VKORC1L1: variants seen among roughly 807,000 people sequenced by gnomAD.
The protein encoded by VKORC1L1 is vitamin K epoxide reductase complex subunit 1L1, also known as vitamin K epoxide reductase complex subunit 1-like protein 1.
In VKORC1L1, 2 loss-of-function variants were observed where a neutral mutation model predicts 18.9. The observed-to-expected ratio is 0.11, with a 90% CI of 0.04 to 0.33. The LOEUF (loss-of-function observed/expected upper bound fraction) is 0.33, where lower values mean the gene tolerates loss of function less well. VKORC1L1 is among the 10% of genes least tolerant of loss of function. The pLI is 1.00. For synonymous variants in VKORC1L1, 96 were observed against 100.0 expected, an observed-to-expected ratio of 0.96 and a Z score of 0.24; for missense variants, 123 against 224.1, an observed-to-expected ratio of 0.55 and a Z score of 2.88.
At chr7:65,878,126 T>A (rs189147026) in intron 1 of VKORC1L1, among the ~76,000 whole-genome samples, 1 of 152,174 alleles carries the variant, frequency 6.6e-6, no homozygotes, top group East Asian at 1.9e-4. Flanking sequence ...ACTACCCCAT[T>A]GAGATAATAA....
At chr7:65,950,033 T>C (rs1790187000) in intron 2 of VKORC1L1, among the ~76,000 whole-genome samples, 1 of 152,226 alleles carries the variant, frequency 6.6e-6, no homozygotes, top group Non-Finnish European at 1.5e-5. Context: ...CTCAGTTCTT[T>C]GGTTTCCCTG....
intron 1 of VKORC1L1, among the ~76,000 whole-genome samples, chr7:65,916,115 T>C (rs1226061469): frequency 7.9e-6 from 1 of 126,630 alleles, no homozygotes; most frequent in African/African-American, 3.0e-5. Flanking sequence ...TGTCTAAAAT[T>C]AAAAAAAAAA....
At chr7:65,869,982 T>TG (rs1181395733), upstream of VKORC1L1, among the ~76,000 whole-genome samples, 3 of 151,170 alleles carry the variant, frequency 2.0e-5, no homozygotes, top group Non-Finnish European at 3.0e-5. Flanking sequence ...AAGCTTTTGT[T>TG]TTTTTTTTTC....
intron 1 of VKORC1L1, among the ~76,000 whole-genome samples, chr7:65,881,384 T>C (rs1226152746): frequency 6.6e-6 from 1 of 152,216 alleles, no homozygotes; most frequent in Non-Finnish European, 1.5e-5. Context: ...TGAAAACAAG[T>C]GAGAACCCTA....
In VKORC1L1 at chr7:65,952,778, C is replaced by CTTTTTTTTTTTTTT. The variant is rs11395208; in HGVS notation, c.305-1285_305-1272dup. 6.9e-5 allele frequency among the ~76,000 whole-genome samples: 6 copies of CTTTTTTTTTTTTTT among 86,610 alleles called. 1 individual carries two copies. The highest frequency in any genetic ancestry group is 9.3e-5 in the African/African-American group (2 of 21,462). The allele number at this position is 86,610 out of a possible 152,430, so 56.8% of individuals were successfully genotyped here. On this transcript the variant is annotated intron_variant, in intron 2 of 2. Transcript: ENST00000360768. ...CAGAATTCAGGTGCCTTTTTTTTTC[C>CTTTTTTTTTTTTTT]TTTTTTTTTTTTTTTTTTTTTTTTG...
At position 65,958,288 on chromosome 7, in the gene VKORC1L1, T is replaced by C. The variant is rs571048152; in HGVS notation, c.*3988T>C. 8.4e-4 allele frequency: 128 copies of C among 152,356 alleles called. 1 individual carries two copies. The highest frequency in any genetic ancestry group is 3.0e-3 in the African/African-American group (125 of 41,584). The allele number at this position is 152,356 out of a possible 1,614,324, so 9.4% of individuals were successfully genotyped here. A position where few individuals can be genotyped will look rare whatever the true frequency, so the allele number is the denominator to read the frequency against. On this transcript the variant is annotated 3_prime_UTR_variant, in exon 3 of 3. Transcript: ENST00000360768. ...AACTGTATTAAGCATGGCCTAAGTA[T>C]TTATTAGGTATATGATCTGTGTAGT... is the stretch of plus-strand genomic sequence containing the variant.
chr7:65,887,296 AG>A (rs1202342427), intron 1 of VKORC1L1, among the ~76,000 whole-genome samples: 1 of 152,186 alleles, frequency 6.6e-6, no homozygotes, highest in East Asian at 1.9e-4. Context: ...TAGTGATAAG[AG>A]CTGTGAACTC....
At position 65,873,177 on chromosome 7, in the gene VKORC1L1, G is replaced by A. The variant is rs1391605431; in HGVS notation, c.-195G>A. The stretch of plus-strand genomic sequence containing the variant: ...GCCCCGTCCGCCTCACTCCTTTTGG[G>A]GCGGTTGGGCCGCGCGCCTGTGGGG... On this transcript the variant is annotated 5_prime_UTR_variant, in exon 1 of 3. Coordinates refer to ENST00000360768, the MANE Select transcript of VKORC1L1 (RefSeq NM_173517.6). The A allele has an allele frequency of 1.7e-5, 11 of 665,072 alleles. No individual in the cohort carries two copies. The highest frequency in any genetic ancestry group is 2.0e-5 in the Non-Finnish European group (11 of 538,466). The allele number at this position is 665,072 out of a possible 1,614,324, so 41.2% of individuals were successfully genotyped here. A position where few individuals can be genotyped will look rare whatever the true frequency, so the allele number is the denominator to read the frequency against.
At chr7:65,874,412 G>A (rs1435617178) in intron 1 of VKORC1L1, among the ~76,000 whole-genome samples, 1 of 151,732 alleles carries the variant, frequency 6.6e-6, no homozygotes, top group Non-Finnish European at 1.5e-5. Context: ...TGGTCAGGCT[G>A]GTCTCGAACT....
intron 1 of VKORC1L1, among the ~76,000 whole-genome samples, chr7:65,914,506 T>G (rs1034340455): frequency 6.6e-6 from 1 of 152,104 alleles, no homozygotes; most frequent in African/African-American, 2.4e-5. Flanking sequence ...CTTTGCAATC[T>G]TACCTCAATG....
intron 1 of VKORC1L1, among the ~76,000 whole-genome samples, chr7:65,897,152 A>G (rs545701082): frequency 8.5e-5 from 13 of 152,246 alleles, no homozygotes; most frequent in Admixed American, 7.9e-4. Flanking sequence ...TCGCTTGCTG[A>G]TAGAAAAGAC....
intron 1 of VKORC1L1, among the ~76,000 whole-genome samples, chr7:65,878,521 C>T (rs1457012512): frequency 6.6e-6 from 1 of 152,036 alleles, no homozygotes; most frequent in Non-Finnish European, 1.5e-5. Context: ...AAGTGACTTG[C>T]CCAAGATAGC....
At chr7:65,889,036 C>T (rs547842406) in intron 1 of VKORC1L1, among the ~76,000 whole-genome samples, 45 of 152,174 alleles carry the variant, frequency 3.0e-4, no homozygotes, top group Admixed American at 1.4e-3. Flanking sequence ...ACGCTCTTTC[C>T]TCTTGCTTAA....
chr7:65,873,711 C>CG (rs1421738790), intron 1 of VKORC1L1, 146 bp downstream of exon 1: 16 of 44,514 alleles, frequency 3.6e-4, no homozygotes, highest in Admixed American at 3.6e-3. Context: ...CGGGGCCAGG[C>CG]GGGGGGCGGC....
At chr7:65,946,306 T>G (rs1790118462) in intron 1 of VKORC1L1, among the ~76,000 whole-genome samples, 1 of 151,616 alleles carries the variant, frequency 6.6e-6, no homozygotes, top group Admixed American at 6.6e-5. Flanking sequence ...TTACCATCAC[T>G]CAGGATCTCA....
intron 1 of VKORC1L1, among the ~76,000 whole-genome samples, chr7:65,913,153 C>T (rs369259129): frequency 1.3e-5 from 2 of 152,164 alleles, no homozygotes; most frequent in East Asian, 1.9e-4. Context: ...CAGAGCCCAT[C>T]TTGGCTGCTA....
intron 1 of VKORC1L1, among the ~76,000 whole-genome samples, chr7:65,924,369 C>T (rs1022195166): frequency 6.6e-6 from 1 of 152,198 alleles, no homozygotes; most frequent in South Asian, 2.1e-4. Context: ...GCTGACTTTT[C>T]ATCCTAGAAT....
chr7:65,897,872 G>A (rs1477347535), intron 1 of VKORC1L1, among the ~76,000 whole-genome samples: 2 of 151,984 alleles, frequency 1.3e-5, no homozygotes, highest in African/African-American at 4.8e-5. Context: ...CACACATAAA[G>A]AATGCACATA....
intron 2 of VKORC1L1, among the ~76,000 whole-genome samples, chr7:65,950,053 C>T (rs1397577730): frequency 1.3e-5 from 2 of 152,134 alleles, no homozygotes; most frequent in African/African-American, 2.4e-5. Context: ...GAAGCTCCAG[C>T]GGTCTTTATT....
Sources: allele counts gnomAD v4.1 joint callset (sites outside exome capture counted in the v4.1 genomes callset), GRCh38; gene constraint gnomAD v4.1.1; transcripts MANE v1.5; gene names NCBI Gene and HGNC (gene_info 2026-07-23, HGNC 2026-07-21).